SH3BP5: variants seen among roughly 807,000 people sequenced by gnomAD.
The protein encoded by SH3BP5 is SH3 domain binding protein 5, also known as SH3 domain-binding protein 5.
In SH3BP5, 22 loss-of-function variants were observed where a neutral mutation model predicts 43.3. The observed-to-expected ratio is 0.51, with a 90% CI of 0.36 to 0.73. The LOEUF (loss-of-function observed/expected upper bound fraction) is 0.73. Ranked by LOEUF, SH3BP5 falls within the 30% of genes least tolerant of loss-of-function variation. The pLI is 0.00. For missense variants in SH3BP5, 529 were observed against 586.9 expected, an observed-to-expected ratio of 0.90 and a Z score of 1.02; for synonymous variants, 255 against 225.8, an observed-to-expected ratio of 1.13 and a Z score of -1.16.
At chr3:15,260,120 C>T (rs1696380042) in intron 5 of SH3BP5, 2 of 406,244 alleles carry the variant, frequency 4.9e-6, no homozygotes, top group East Asian at 5.6e-5. Flanking sequence ...CTGTTCAGAG[C>T]CTCACAGGTT....
At chr3:15,264,112 G>A (rs1053564593) in intron 4 of SH3BP5, among the ~76,000 whole-genome samples, 4 of 152,118 alleles carry the variant, frequency 2.6e-5, no homozygotes, top group Admixed American at 6.5e-5. Context: ...TATTACTTAC[G>A]ATAAGGATTT....
chr3:15,294,894 G>A (rs1697526383), intron 3 of SH3BP5, among the ~76,000 whole-genome samples: 1 of 152,058 alleles, frequency 6.6e-6, no homozygotes, highest in African/African-American at 2.4e-5. Flanking sequence ...TGGTCCTTTA[G>A]CTCCCCTAAG....
chr3:15,303,433 G>C (rs1332375998), intron 3 of SH3BP5, among the ~76,000 whole-genome samples: 3 of 152,168 alleles, frequency 2.0e-5, no homozygotes, highest in Non-Finnish European at 4.4e-5. Flanking sequence ...GGCTATCAGA[G>C]GCTGCAGGTG....
At chr3:15,292,772 C>T (rs554731708) in intron 3 of SH3BP5, among the ~76,000 whole-genome samples, 21 of 151,994 alleles carry the variant, frequency 1.4e-4, no homozygotes, top group Middle Eastern at 6.8e-3. Context: ...TGCTTGAATC[C>T]GGGAGGCGGA....
intron 3 of SH3BP5, among the ~76,000 whole-genome samples, chr3:15,303,513 C>T (rs529138725): frequency 1.3e-5 from 2 of 152,210 alleles, no homozygotes; most frequent in East Asian, 1.9e-4. Context: ...CCCATTTCCA[C>T]GCAGCCCCCA....
At chr3:15,258,407 A>G in intron 7 of SH3BP5, 1 of 208,646 alleles carries the variant, frequency 4.8e-6, no homozygotes, top group Non-Finnish European at 9.7e-6. Flanking sequence ...CGGATAGTAT[A>G]CAGTAGATAG....
chr3:15,330,644 A>C (rs1698587503), intron 1 of SH3BP5, 78 bp from the exon 2 acceptor site: 1 of 1,391,800 alleles, frequency 7.2e-7, no homozygotes, highest in Non-Finnish European at 9.4e-7. Context: ...CCATAACCTG[A>C]AAAATTACCC....
At chr3:15,332,772 C>A, upstream of SH3BP5, 1 of 608,438 alleles carries the variant, frequency 1.6e-6, no homozygotes, top group Non-Finnish European at 2.1e-6. Flanking sequence ...TGTAACTTAG[C>A]AGCTCGGATA....
Position 15,259,065 on chromosome 3 carries a change from A to G in SH3BP5, c.670-15T>C. The G allele has an allele frequency of 1.2e-6, 2 of 1,603,794 alleles. No homozygotes were observed. The highest frequency in any genetic ancestry group is 2.2e-5 in the East Asian group (1 of 44,838). ...TTTTTCAGTTGCTGATCAAGAGAAC[A>G]GGAGACTAAGTGAAGACTACCCTGC... On this transcript the variant is annotated splice_polypyrimidine_tract_variant and intron_variant, in intron 6 of 8. Coordinates refer to ENST00000383791, the MANE Select transcript of SH3BP5 (RefSeq NM_004844.5).
At chr3:15,333,269 G>GA, upstream of SH3BP5, 1 of 985,468 alleles carries the variant, frequency 1.0e-6, no homozygotes, top group South Asian at 4.7e-5. Flanking sequence ...AGGCCAAACT[G>GA]AAGAGGCACG....
At chr3:15,297,178 T>C (rs1697601181) in intron 3 of SH3BP5, among the ~76,000 whole-genome samples, 1 of 152,206 alleles carries the variant, frequency 6.6e-6, no homozygotes, top group Non-Finnish European at 1.5e-5. Flanking sequence ...ACTATCCCTT[T>C]GGGCACAGAG....
intron 3 of SH3BP5, among the ~76,000 whole-genome samples, chr3:15,280,445 C>T (rs1575304542): frequency 6.6e-6 from 1 of 152,136 alleles, no homozygotes; most frequent in East Asian, 1.9e-4. Context: ...ACCCACAGAA[C>T]CAAATAACAG....
chr3:15,294,322 T>C (rs1057357154), intron 3 of SH3BP5, among the ~76,000 whole-genome samples: 22 of 144,118 alleles, frequency 1.5e-4, no homozygotes, highest in Admixed American at 9.6e-4. Context: ...TGTGTGTGTG[T>C]GTGTGTGTGC....
chr3:15,267,616 A>T (rs1285623235), intron 4 of SH3BP5, among the ~76,000 whole-genome samples: 4 of 152,182 alleles, frequency 2.6e-5, no homozygotes, highest in Non-Finnish European at 5.9e-5. Context: ...TGGCCCTCCC[A>T]GGGCCCTATG....
At chr3:15,336,134 C>CA (rs909647299), upstream of SH3BP5, among the ~76,000 whole-genome samples, 2 of 151,286 alleles carry the variant, frequency 1.3e-5, no homozygotes, top group East Asian at 3.9e-4. Context: ...AACTCCGTCT[C>CA]AAAAAAAAGA....
chr3:15,260,666 G>C (rs1012403121), intron 5 of SH3BP5: 1 of 152,244 alleles, frequency 6.6e-6, no homozygotes, highest in African/African-American at 2.4e-5. Context: ...AAGGTGAAGA[G>C]TATGTGTGTG....
chr3:15,266,995 G>A (rs923030768), intron 4 of SH3BP5, among the ~76,000 whole-genome samples: 1 of 152,218 alleles, frequency 6.6e-6, no homozygotes, highest in Non-Finnish European at 1.5e-5. Context: ...TTCTGAGCAC[G>A]GAATTTTCTT....
chr3:15,306,645 C>A (rs1301528336), intron 2 of SH3BP5, among the ~76,000 whole-genome samples: 1 of 152,100 alleles, frequency 6.6e-6, no homozygotes, highest in Non-Finnish European at 1.5e-5. Flanking sequence ...GCTAGAGGGG[C>A]CTGCCTCACA....
At chr3:15,300,008 A>C (rs368874313) in intron 3 of SH3BP5, among the ~76,000 whole-genome samples, 6 of 152,182 alleles carry the variant, frequency 3.9e-5, no homozygotes, top group Admixed American at 3.9e-4. Flanking sequence ...CTGATGCTCC[A>C]TCACCCCCCC....
Sources: allele counts gnomAD v4.1 joint callset (sites outside exome capture counted in the v4.1 genomes callset), GRCh38; gene constraint gnomAD v4.1.1; transcripts MANE v1.5; gene names NCBI Gene and HGNC (gene_info 2026-07-23, HGNC 2026-07-21).